The following NMNAT2 variants were observed in gnomAD, a reference collection of about 807,000 sequenced individuals.
The protein encoded by NMNAT2 is nicotinamide nucleotide adenylyltransferase 2.
In NMNAT2, 11 loss-of-function variants were observed where a neutral mutation model predicts 41.6. That is an observed-to-expected ratio of 0.26 (90% CI 0.17 to 0.44). NMNAT2 has a LOEUF of 0.44. Ranked by LOEUF, NMNAT2 falls within the 20% of genes least tolerant of loss-of-function variation. NMNAT2 has a pLI of 1.00. For synonymous variants in NMNAT2, 148 were observed against 151.2 expected (o/e 0.98, Z 0.16); for missense variants, 288 against 407.7 (o/e 0.71, Z 2.53).
intron 1 of NMNAT2, among the ~76,000 whole-genome samples, chr1:183,362,526 G>T (rs532484447): frequency 2.0e-5 from 3 of 152,168 alleles, no homozygotes; most frequent in Non-Finnish European, 4.4e-5. Flanking sequence ...TCATACAATA[G>T]ATGACGTTTT....
chr1:183,350,031 G>C (rs1351330279), intron 1 of NMNAT2, among the ~76,000 whole-genome samples: 2 of 152,142 alleles, frequency 1.3e-5, no homozygotes, highest in East Asian at 3.8e-4. Flanking sequence ...GCCCTACCAG[G>C]CCACTATCCC....
intron 1 of NMNAT2, among the ~76,000 whole-genome samples, chr1:183,407,183 G>A (rs992538077): frequency 3.3e-5 from 5 of 152,062 alleles, no homozygotes; most frequent in East Asian, 1.9e-4. Context: ...CCATGCACCC[G>A]CCTGAAGTGT....
chr1:183,265,560 C>T lies in NMNAT2; in HGVS notation c.652-4257G>A, dbSNP rs186802328. ...GATTACAGGTGTGAGCCACCATGCCCGGCAGAAATTCTCTTCTTATAATTG... is the reference window on the plus strand; with the variant it reads ...GATTACAGGTGTGAGCCACCATGCCTGGCAGAAATTCTCTTCTTATAATTG... On this transcript the variant is annotated intron_variant, in intron 8 of 10. Transcript: ENST00000287713. 3.6e-3 allele frequency among the ~76,000 whole-genome samples: 551 copies of T among 152,164 alleles called. 5 individuals carry two copies. In the South Asian group the frequency reaches 0.038, roughly 10 times the overall value.
intron 1 of NMNAT2, among the ~76,000 whole-genome samples, chr1:183,412,204 T>C (rs1322752772): frequency 6.6e-6 from 1 of 152,206 alleles, no homozygotes; most frequent in Non-Finnish European, 1.5e-5. Context: ...GCTTACATTT[T>C]GAAAGGATCA....
intron 7 of NMNAT2, among the ~76,000 whole-genome samples, chr1:183,282,293 G>A (rs541960432): frequency 5.3e-5 from 8 of 152,336 alleles, no homozygotes; most frequent in Non-Finnish European, 1.2e-4. Context: ...GGTCCCTGGC[G>A]GCTGGCTCAC....
intron 8 of NMNAT2, among the ~76,000 whole-genome samples, chr1:183,262,472 A>G (rs1363468796): frequency 1.3e-5 from 2 of 152,212 alleles, no homozygotes; most frequent in Non-Finnish European, 2.9e-5. Context: ...CATTAGCATT[A>G]TATTTTGAGC....
At chr1:183,413,768 A>G (rs1649182394) in intron 1 of NMNAT2, among the ~76,000 whole-genome samples, 1 of 150,178 alleles carries the variant, frequency 6.7e-6, no homozygotes, top group Non-Finnish European at 1.5e-5. Context: ...AACCACGCCC[A>G]GCTAATTTTT....
intron 1 of NMNAT2, among the ~76,000 whole-genome samples, chr1:183,336,523 T>A (rs1174432144): frequency 6.6e-6 from 1 of 152,188 alleles, no homozygotes; most frequent in Non-Finnish European, 1.5e-5. Flanking sequence ...TATCACTTCA[T>A]ATGGATTTGA....
chr1:183,406,812 C>CT (rs58394186), intron 1 of NMNAT2, among the ~76,000 whole-genome samples: 2,089 of 88,638 alleles, frequency 0.024, 41 homozygotes, highest in African/African-American at 0.05. Flanking sequence ...TCTGCCATTC[C>CT]TTTTTTTTTT....
At chr1:183,394,463 C>T (rs1057416844) in intron 1 of NMNAT2, among the ~76,000 whole-genome samples, 2 of 152,198 alleles carry the variant, frequency 1.3e-5, no homozygotes, top group African/African-American at 4.8e-5. Context: ...TTAATGACTT[C>T]TTTTCCAACT....
At chr1:183,390,992 A>G (rs1371965842) in intron 1 of NMNAT2, among the ~76,000 whole-genome samples, 1 of 152,210 alleles carries the variant, frequency 6.6e-6, no homozygotes, top group Non-Finnish European at 1.5e-5. Context: ...ACTTATGCCT[A>G]AAAATTAACA....
chr1:183,280,265 G>A (rs1050510345), intron 7 of NMNAT2, among the ~76,000 whole-genome samples: 4 of 152,174 alleles, frequency 2.6e-5, no homozygotes, highest in Non-Finnish European at 5.9e-5. Context: ...GAAAGGGCAC[G>A]TCTCTGTAAT....
At chr1:183,277,759 T>C (rs1442111283) in intron 8 of NMNAT2, among the ~76,000 whole-genome samples, 5 of 152,064 alleles carry the variant, frequency 3.3e-5, no homozygotes, top group African/African-American at 1.2e-4. Context: ...GTAGATAACA[T>C]TCTATAGATT....
At chr1:183,358,616 G>A (rs961404959) in intron 1 of NMNAT2, among the ~76,000 whole-genome samples, 1 of 152,162 alleles carries the variant, frequency 6.6e-6, no homozygotes, top group Non-Finnish European at 1.5e-5. Context: ...TGGAGAGTAA[G>A]CCAGACGGGA....
chr1:183,417,972 G>C (rs1381149435), intron 1 of NMNAT2, among the ~76,000 whole-genome samples: 1 of 151,462 alleles, frequency 6.6e-6, no homozygotes, highest in Non-Finnish European at 1.5e-5. Flanking sequence ...CCTGCGAGCC[G>C]GGTCTGGCCC....
intron 1 of NMNAT2, among the ~76,000 whole-genome samples, chr1:183,323,803 C>T (rs1442013538): frequency 6.6e-6 from 1 of 152,262 alleles, no homozygotes; most frequent in Admixed American, 6.5e-5. Flanking sequence ...AAAACCTCTC[C>T]CCCCACAGGA....
intron 10 of NMNAT2, among the ~76,000 whole-genome samples, chr1:183,255,371 C>A (rs1660488952): frequency 6.6e-6 from 1 of 151,532 alleles, no homozygotes; most frequent in Non-Finnish European, 1.5e-5. Flanking sequence ...CTTTTTTTTT[C>A]TCATAATTGC....
At chr1:183,317,250 C>T (rs1007315338) in intron 1 of NMNAT2, among the ~76,000 whole-genome samples, 1 of 152,184 alleles carries the variant, frequency 6.6e-6, no homozygotes, top group African/African-American at 2.4e-5. Flanking sequence ...AGCCCACATC[C>T]TCCAGCATAC....
intron 1 of NMNAT2, among the ~76,000 whole-genome samples, chr1:183,389,790 A>AGGGAGGGAGGG (rs1648394254): frequency 2.6e-5 from 2 of 76,380 alleles, no homozygotes; most frequent in Non-Finnish European, 5.7e-5. Flanking sequence ...GAAAGAAAGA[A>AGGGAGGGAGGG]AGAAAGAAAG....
Sources: allele counts gnomAD v4.1 joint callset (sites outside exome capture counted in the v4.1 genomes callset), GRCh38; gene constraint gnomAD v4.1.1; transcripts MANE v1.5; gene names NCBI Gene and HGNC (gene_info 2026-07-23, HGNC 2026-07-21).